The following DOK6 variants were observed in gnomAD, a reference collection of about 807,000 sequenced individuals.
The protein encoded by DOK6 is docking protein 6, also known as downstream of tyrosine kinase 6.
A neutral mutation model predicts 44.0 loss-of-function variants in DOK6; 22 were observed. The observed-to-expected ratio is 0.50, with a 90% CI of 0.36 to 0.71. The LOEUF (loss-of-function observed/expected upper bound fraction) is 0.71, where lower values mean the gene tolerates loss of function less well. Ranked by LOEUF, DOK6 falls within the 30% of genes least tolerant of loss-of-function variation. DOK6 has a pLI of 0.00. For missense variants in DOK6, 340 were observed against 416.4 expected (o/e 0.82, Z 1.60); for synonymous variants, 166 against 145.5 (o/e 1.14, Z -1.01).
chr18:69,471,431 GA>G (rs1241846744), intron 1 of DOK6, among the ~76,000 whole-genome samples: 1 of 151,802 alleles, frequency 6.6e-6, no homozygotes, highest in Non-Finnish European at 1.5e-5. Context: ...GGGTAGAATT[GA>G]ACAGTATGTT....
At chr18:69,811,563 TATATATATATATATCA>T (rs1448337647) in intron 7 of DOK6, among the ~76,000 whole-genome samples, 63 of 15,804 alleles carry the variant, frequency 4.0e-3, no homozygotes, top group African/African-American at 5.2e-3. Context: ...TATATATATA[TATATATATATATATCA>T]AAACACTACG....
intron 5 of DOK6, among the ~76,000 whole-genome samples, chr18:69,712,280 C>CAAAAAAAAAAAAAAA (rs869202861): frequency 4.4e-5 from 1 of 22,652 alleles, no homozygotes; most frequent in African/African-American, 1.9e-4. Context: ...GACTCCGTCT[C>CAAAAAAAAAAAAAAA]AAAAAAAAAA....
intron 5 of DOK6, among the ~76,000 whole-genome samples, chr18:69,737,521 C>A (rs564090410): frequency 6.6e-6 from 1 of 152,122 alleles, no homozygotes; most frequent in Admixed American, 6.6e-5. Flanking sequence ...GGACACAGAG[C>A]CAAACCCTAT....
chr18:69,456,709 C>T (rs1979642865), intron 1 of DOK6, among the ~76,000 whole-genome samples: 1 of 152,108 alleles, frequency 6.6e-6, no homozygotes, highest in South Asian at 2.1e-4. Flanking sequence ...ATTTTAAGTT[C>T]TTTGAGAAAT....
intron 6 of DOK6, among the ~76,000 whole-genome samples, chr18:69,746,447 C>T (rs948830835): frequency 2.0e-5 from 3 of 151,978 alleles, no homozygotes; most frequent in Non-Finnish European, 4.4e-5. Context: ...TAGTAGAGAG[C>T]ATTTTGCCAT....
intron 7 of DOK6, among the ~76,000 whole-genome samples, chr18:69,838,646 A>G (rs1264961637): frequency 6.6e-6 from 1 of 152,070 alleles, no homozygotes. Context: ...CCAGAGATGA[A>G]GTAATTCCCT....
At chr18:69,576,151 GA>G (rs1466669508) in intron 2 of DOK6, among the ~76,000 whole-genome samples, 6 of 152,100 alleles carry the variant, frequency 3.9e-5, no homozygotes, top group Non-Finnish European at 8.8e-5. Context: ...CCTTTTATGA[GA>G]AAGGCGAGAT....
chr18:69,650,117 G>A (rs1985184622), intron 3 of DOK6, among the ~76,000 whole-genome samples: 1 of 151,960 alleles, frequency 6.6e-6, no homozygotes, highest in Non-Finnish European at 1.5e-5. Flanking sequence ...ACTGTCTATT[G>A]TTCTTAGGCC....
intron 3 of DOK6, among the ~76,000 whole-genome samples, chr18:69,673,230 G>GTGTGTATA (rs140062432): frequency 1.3e-5 from 2 of 150,162 alleles, no homozygotes; most frequent in Non-Finnish European, 3.0e-5. Context: ...TTTTCTGTGT[G>GTGTGTATA]TATATATATA....
chr18:69,557,960 G>A (rs1290926844), intron 1 of DOK6, among the ~76,000 whole-genome samples: 1 of 152,052 alleles, frequency 6.6e-6, no homozygotes, highest in African/African-American at 2.4e-5. Flanking sequence ...TGCTAATGGA[G>A]GTCATTAATT....
intron 2 of DOK6, among the ~76,000 whole-genome samples, chr18:69,593,983 C>T (rs779218986): frequency 6.6e-5 from 10 of 152,102 alleles, no homozygotes; most frequent in Non-Finnish European, 1.2e-4. Flanking sequence ...TCAAACATAA[C>T]TTCAATTTAT....
intron 1 of DOK6, among the ~76,000 whole-genome samples, chr18:69,424,597 T>C (rs1978584855): frequency 6.6e-6 from 1 of 150,952 alleles, no homozygotes; most frequent in Non-Finnish European, 1.5e-5. Flanking sequence ...TTTTACATTT[T>C]AATAAAATCA....
chr18:69,627,211 CA>C (rs2144642684), intron 3 of DOK6, among the ~76,000 whole-genome samples: 1 of 152,162 alleles, frequency 6.6e-6, no homozygotes, highest in Non-Finnish European at 1.5e-5. Context: ...CAAAAACAAA[CA>C]AACAAACAAA....
intron 1 of DOK6, among the ~76,000 whole-genome samples, chr18:69,521,755 G>A (rs532821988): frequency 1.2e-4 from 18 of 151,918 alleles, no homozygotes; most frequent in East Asian, 7.7e-4. Context: ...CTATTGCACC[G>A]TAGAGTGACT....
chr18:69,750,499 G>C (rs563188553), intron 6 of DOK6, among the ~76,000 whole-genome samples: 28 of 152,148 alleles, frequency 1.8e-4, no homozygotes, highest in African/African-American at 6.0e-4. Context: ...TATTCATTAG[G>C]GAAATGCAAA....
chr18:69,724,456 T>C (rs1003754661), intron 5 of DOK6, among the ~76,000 whole-genome samples: 18 of 152,322 alleles, frequency 1.2e-4, no homozygotes, highest in African/African-American at 4.1e-4. Context: ...CCATGATAGG[T>C]ATTTACAATA....
rs1984469041 is a variant in DOK6 at position 69,622,672 on chromosome 18, G to C, written c.289+23174G>C. The stretch of plus-strand genomic sequence containing the variant: ...GGTCACCATGGCCTCCTTAGATAAA[G>C]AACTTGAAGGTATTGAATGGAAATT... On this transcript the variant is annotated intron_variant, in intron 3 of 7. Coordinates refer to ENST00000382713, the MANE Select transcript of DOK6 (RefSeq NM_152721.6). Among the ~76,000 whole-genome samples the C allele has an allele frequency of 2.0e-5, 3 of 152,234 alleles. No individual in the cohort carries two copies. In the South Asian group the frequency reaches 6.2e-4, roughly 32 times the overall value.
At chr18:69,664,398 T>C (rs953912873) in intron 3 of DOK6, among the ~76,000 whole-genome samples, 1 of 152,240 alleles carries the variant, frequency 6.6e-6, no homozygotes, top group South Asian at 2.1e-4. Flanking sequence ...AAATGGAACA[T>C]GTAAATCTTA....
intron 7 of DOK6, among the ~76,000 whole-genome samples, chr18:69,758,596 A>G (rs766716133): frequency 4.6e-5 from 7 of 152,192 alleles, no homozygotes; most frequent in Non-Finnish European, 2.9e-5. Flanking sequence ...TTGATTGGCT[A>G]CAAGCAACTG....
Sources: gnomAD v4.1 joint callset for allele counts (sites outside exome capture counted in the v4.1 genomes callset) on GRCh38, gnomAD v4.1.1 for gene constraint, MANE v1.5 for transcripts, NCBI Gene and HGNC (gene_info 2026-07-23, HGNC 2026-07-21) for gene names.